Variants in PTPN13 observed in about 807,000 individuals in gnomAD.
PTPN13 encodes tyrosine-protein phosphatase non-receptor type 13.
A neutral mutation model predicts 284.0 loss-of-function variants in PTPN13; 191 were observed. The observed-to-expected ratio is 0.67, with a 90% CI of 0.60 to 0.76. The LOEUF (loss-of-function observed/expected upper bound fraction) is 0.76, where lower values mean the gene tolerates loss of function less well. Ranked by LOEUF, PTPN13 falls within the 30% of genes least tolerant of loss-of-function variation. The pLI, the probability that PTPN13 is intolerant of heterozygous loss-of-function variation, is 0.00. For missense variants in PTPN13, 2,797 were observed against 2,939.9 expected, an observed-to-expected ratio of 0.95 and a Z score of 1.12; for synonymous variants, 986 against 1,022.3, an observed-to-expected ratio of 0.96 and a Z score of 0.68.
rs1439942585 is a variant in PTPN13, at chr4:86,771,251, C to A, written c.4884C>A (p.Thr1628=). 1 of 1,609,588 alleles carries A rather than the reference C, an allele frequency of 6.2e-7. No homozygotes were observed. The highest frequency in any genetic ancestry group is 8.5e-7 in the Non-Finnish European group (1 of 1,177,982). The change falls in exon 31 of 48, where the codon ACC becomes ACA. Residue 1628 remains threonine, a synonymous_variant. Coordinates refer to ENST00000411767, the MANE Select transcript of PTPN13 (RefSeq NM_080683.3). ...SSQPSCVEQS[T]SSDENEMSDK... ...AGCCATCATGTGTGGAGCAAAGCAC[C>A]AGCTCAGATGAAAATGAAATGTCAG...
intron 2 of PTPN13, among the ~76,000 whole-genome samples, chr4:86,669,030 C>T (rs1375813712): frequency 6.6e-6 from 1 of 151,550 alleles, no homozygotes; most frequent in Non-Finnish European, 1.5e-5. Flanking sequence ...AACTTCCTGA[C>T]CCACATGCCT....
intron 27 of PTPN13, 52 bp downstream of exon 27, chr4:86,766,569 T>C: frequency 7.7e-7 from 1 of 1,290,392 alleles, no homozygotes; most frequent in Non-Finnish European, 1.1e-6. Context: ...AGCAAAACAA[T>C]GTGTGAATAA....
intron 10 of PTPN13, 88 bp from the exon 11 acceptor site, chr4:86,732,312 A>G: frequency 9.1e-7 from 1 of 1,103,002 alleles, no homozygotes; most frequent in East Asian, 2.6e-5. Context: ...TTTCATATGT[A>G]ATTTATTATT....
At chr4:86,792,904 CAT>C (rs1393318457) in intron 40 of PTPN13, among the ~76,000 whole-genome samples, 1 of 152,216 alleles carries the variant, frequency 6.6e-6, no homozygotes, top group Non-Finnish European at 1.5e-5. Flanking sequence ...ACTGCAAAAA[CAT>C]ACCAAGTGGT....
At chr4:86,621,538 C>T (rs907430272) in intron 1 of PTPN13, among the ~76,000 whole-genome samples, 1 of 152,080 alleles carries the variant, frequency 6.6e-6, no homozygotes, top group Non-Finnish European at 1.5e-5. Flanking sequence ...TTTTTGGTGG[C>T]AAAACCTGAC....
chr4:86,713,741 G>A (rs536736901), intron 7 of PTPN13, among the ~76,000 whole-genome samples: 9 of 151,918 alleles, frequency 5.9e-5, no homozygotes, highest in East Asian at 3.9e-4. Context: ...ACTTCTTCTC[G>A]CATTTATTTA....
chr4:86,796,811 A>T (rs559856646), intron 40 of PTPN13, 63 bp from the exon 41 acceptor site: 90 of 1,077,470 alleles, frequency 8.4e-5, no homozygotes, highest in Non-Finnish European at 1.1e-4. Context: ...AACAGGAAAA[A>T]AATAGTATGC....
Position 86,807,731 on chromosome 4 carries a change from C to T in PTPN13, c.6917C>T (p.Ala2306Val). ...TGGGAGCAAAAATCCACAGTGATAGCCATGATGACTCAAGAAGTAGAAGGA... is the reference window on the plus strand; with the variant it reads ...TGGGAGCAAAAATCCACAGTGATAGTCATGATGACTCAAGAAGTAGAAGGA... ...MIWEQKSTVI[A>V]MMTQEVEGEK... The change falls in exon 45 of 48, where the codon GCC (alanine) becomes GTC (valine). Residue 2306 changes from alanine (A) to valine (V), a missense_variant. Physicochemically the swap from Ala to Val is moderately conservative, Grantham distance 64. Coordinates refer to ENST00000411767, the MANE Select transcript of PTPN13 (RefSeq NM_080683.3). 6.2e-7 allele frequency: 1 copy of T among 1,613,982 alleles called. No individual in the cohort carries two copies. Among genetic ancestry groups the T allele is most frequent in the Non-Finnish European group, 8.5e-7 (1 of 1,179,890 alleles).
rs543082838 is a variant in PTPN13 at position 86,770,529 on chromosome 4, A to G, written c.4803+330A>G. 9.2e-5 allele frequency among the ~76,000 whole-genome samples: 14 copies of G among 152,326 alleles called. No individual in the cohort carries two copies. In the East Asian group the frequency reaches 2.7e-3, roughly 29 times the overall value. On this transcript the variant is annotated intron_variant, in intron 30 of 47. Transcript: ENST00000411767. ...CAAAACAATGGTTAAAAATCTCTTT[A>G]ATAGGAAAATAACATTTCTGTAAGA...
At position 86,689,223 on chromosome 4, in the gene PTPN13, T is replaced by A. The variant is rs114810267; in HGVS notation, c.546+33T>A. The stretch of plus-strand genomic sequence containing the variant: ...ACAGTTACAATAGTAAATATAGTCA[T>A]ATTTTAAAATTTAGTAGATATCACA... On this transcript the variant is annotated intron_variant, in intron 5 of 47. Transcript: ENST00000411767. The A allele has an allele frequency of 1.9e-3, 3,044 of 1,571,036 alleles. 48 individuals are homozygous for A. The African/African-American group carries it at 0.036, about 19-fold the overall frequency.
chr4:86,638,002 A>G (rs1175297105), intron 2 of PTPN13, among the ~76,000 whole-genome samples: 2 of 152,066 alleles, frequency 1.3e-5, no homozygotes, highest in African/African-American at 2.4e-5. Flanking sequence ...AAATCAATGT[A>G]CAAAAATCAC....
chr4:86,805,557 T>G (rs1025712955), intron 44 of PTPN13, among the ~76,000 whole-genome samples, 188 bp downstream of exon 44: 2 of 152,234 alleles, frequency 1.3e-5, no homozygotes, highest in Non-Finnish European at 2.9e-5. Flanking sequence ...GTAGGTATTC[T>G]GAAAATCAGT....
intron 40 of PTPN13, among the ~76,000 whole-genome samples, chr4:86,795,990 TAACA>T (rs145231397): frequency 0.099 from 15,127 of 152,144 alleles, 867 homozygotes; most frequent in Non-Finnish European, 0.11. Context: ...TCTACCTACA[TAACA>T]AACCTGCATG....
At chr4:86,655,094 G>A (rs931380880) in intron 2 of PTPN13, among the ~76,000 whole-genome samples, 9 of 152,052 alleles carry the variant, frequency 5.9e-5, no homozygotes, top group Admixed American at 1.3e-4. Context: ...CATTTGCTTG[G>A]TAGATCTTCC....
intron 3 of PTPN13, among the ~76,000 whole-genome samples, chr4:86,682,867 T>C (rs1239511339): frequency 6.6e-6 from 1 of 152,204 alleles, no homozygotes; most frequent in East Asian, 1.9e-4. Flanking sequence ...GTAAAAGCAT[T>C]TTTCTTTGTA....
At chr4:86,784,413 C>T in intron 37 of PTPN13, 52 bp from the exon 38 acceptor site, 2 of 1,282,298 alleles carry the variant, frequency 1.6e-6, no homozygotes, top group Non-Finnish European at 2.2e-6. Context: ...TCCCCCGATC[C>T]TGGAAGTTAG....
intron 5 of PTPN13, among the ~76,000 whole-genome samples, chr4:86,691,107 G>T (rs188418590): frequency 5.9e-5 from 9 of 152,042 alleles, no homozygotes; most frequent in Admixed American, 5.2e-4. Context: ...CATGCCTTTA[G>T]TCCCAGCTAC....
rs1739973823 is a variant in PTPN13, at chr4:86,771,315, G to T, written c.4948G>T (p.Asp1650Tyr). 1 of 1,600,624 alleles carries T rather than the reference G, an allele frequency of 6.2e-7. No homozygotes were observed. The highest frequency in any genetic ancestry group is 1.3e-5 in the African/African-American group (1 of 74,724). Residue 1650 changes from aspartate to tyrosine, a missense_variant, in exon 31 of 48, where the codon GAC becomes TAC. Coordinates refer to ENST00000411767, the MANE Select transcript of PTPN13 (RefSeq NM_080683.3). ...KKQCKSPSRR[D>Y]SYSDSSGSGE... ...ACAGTGCAAGTCCCCATCCAGAAGA[G>T]ACAGTTACAGTGACAGCAGTGGGAG...
At chr4:86,606,120 G>A (rs1000072722) in intron 1 of PTPN13, among the ~76,000 whole-genome samples, 9 of 151,732 alleles carry the variant, frequency 5.9e-5, no homozygotes, top group African/African-American at 1.5e-4. Context: ...GCCAACTATT[G>A]ATTGAATTAA....
Sources: gnomAD v4.1 joint callset for allele counts (sites outside exome capture counted in the v4.1 genomes callset) on GRCh38, gnomAD v4.1.1 for gene constraint, MANE v1.5 for transcripts, NCBI Gene and HGNC (gene_info 2026-07-23, HGNC 2026-07-21) for gene names.